Variants in ZGRF1 observed in about 807,000 individuals in gnomAD.
The protein encoded by ZGRF1 is 5'-3' DNA helicase ZGRF1.
Under a neutral mutation model 203.5 loss-of-function variants are expected in ZGRF1, and 196 were observed. The observed-to-expected ratio is 0.96, with a 90% CI of 0.86 to 1.08. The LOEUF (loss-of-function observed/expected upper bound fraction) is 1.08. Ranked by LOEUF, ZGRF1 falls within the 50% of genes least tolerant of loss-of-function variation. The pLI is 0.00. For missense variants in ZGRF1, 2,326 were observed against 2,416.3 expected (o/e 0.96, Z 0.78); for synonymous variants, 809 against 841.3 (o/e 0.96, Z 0.66).
In ZGRF1 at chr4:112,539,692, T is replaced by C. The variant is rs778052312; in HGVS notation, c.6173-3A>G. The C allele has an allele frequency of 1.7e-5, 27 of 1,589,086 alleles. No homozygotes were observed. The highest frequency in any genetic ancestry group is 2.3e-5 in the Non-Finnish European group (27 of 1,170,468). ...ATGTTGCAATCCATCTTCCCTTCCTTAAAAAAACATACGACATGAGACAAC... is the reference window on the plus strand; with the variant it reads ...ATGTTGCAATCCATCTTCCCTTCCTCAAAAAAACATACGACATGAGACAAC... On this transcript the variant is annotated splice_region_variant and splice_polypyrimidine_tract_variant and intron_variant, in intron 27 of 27. Transcript: ENST00000505019.
At chr4:112,635,184 G>A (rs190367471) in intron 1 of ZGRF1, among the ~76,000 whole-genome samples, 23 of 150,030 alleles carry the variant, frequency 1.5e-4, no homozygotes, top group Non-Finnish European at 3.4e-4. Context: ...CCTCCCCTCC[G>A]GCGTACATAA....
chr4:112,552,377 AAT>A (rs1740136978), intron 22 of ZGRF1, among the ~76,000 whole-genome samples: 1 of 152,188 alleles, frequency 6.6e-6, no homozygotes, highest in Non-Finnish European at 1.5e-5. Flanking sequence ...ATTCCTCTAA[AAT>A]AGTTTTCATT....
Position 112,617,476 on chromosome 4 carries a change from T to C in ZGRF1, c.2566A>G (p.Thr856Ala). 6.3e-7 allele frequency: 1 copy of C among 1,584,650 alleles called. No homozygotes were observed. The highest frequency in any genetic ancestry group is 1.2e-5 in the South Asian group (1 of 84,908). ...KKKNTVFQQG[T>A]QQTYEPDSPP... ...CTATCTGGCTCATACGTCTGTTGAG[T>C]TCCTTGCTGAAAGACAGTATTTTTC... The change falls in exon 6 of 28, where the codon ACT (threonine) becomes GCT (alanine). Residue 856 changes from threonine (T) to alanine (A), a missense_variant. Thr to Ala is a moderately conservative substitution (Grantham distance 58). Coordinates refer to ENST00000505019, the MANE Select transcript of ZGRF1 (RefSeq NM_018392.5).
Position 112,587,880 on chromosome 4 carries a change from T to G in ZGRF1, c.3177A>C (p.Ser1059=). ...SLENENLQRL[S]LLSRTQVPLI... ...GTGGAACCTGGGTTCTACTTAATAA[T>G]GAAAGCCTTTGAAGGTTCTCATTCT... Residue 1059 remains serine (S), a synonymous_variant, in exon 12 of 28, where the codon TCA becomes TCC. Coordinates refer to ENST00000505019, the MANE Select transcript of ZGRF1 (RefSeq NM_018392.5). 3 of 1,549,162 alleles carry G rather than the reference T, an allele frequency of 1.9e-6. No individual in the cohort carries two copies. Among genetic ancestry groups the G allele is most frequent in the Non-Finnish European group, 2.6e-6 (3 of 1,146,386 alleles).
At chr4:112,571,428 A>G (rs1744201122) in intron 16 of ZGRF1, among the ~76,000 whole-genome samples, 1 of 152,236 alleles carries the variant, frequency 6.6e-6, no homozygotes, top group Admixed American at 6.5e-5. Flanking sequence ...ATCAGAGAAT[A>G]TGAATAAATT....
intron 24 of ZGRF1, among the ~76,000 whole-genome samples, chr4:112,544,898 G>C (rs75385184): frequency 0.033 from 5,062 of 152,224 alleles, 277 homozygotes; most frequent in African/African-American, 0.11. Context: ...GAAAAGGATA[G>C]TCTTTTCCAC....
At chr4:112,561,373 C>G (rs1741950868) in intron 18 of ZGRF1, 3 of 182,012 alleles carry the variant, frequency 1.6e-5, no homozygotes, top group South Asian at 1.2e-4. Flanking sequence ...AACCCATGCT[C>G]TATTATACAA....
At chr4:112,557,034 C>T (rs558540802) in intron 20 of ZGRF1, among the ~76,000 whole-genome samples, 3 of 152,244 alleles carry the variant, frequency 2.0e-5, no homozygotes, top group African/African-American at 7.2e-5. Context: ...GTCTTCTTTG[C>T]ATTCCTCTTA....
chr4:112,571,374 G>C (rs754573281), intron 16 of ZGRF1, among the ~76,000 whole-genome samples: 15 of 152,012 alleles, frequency 9.9e-5, no homozygotes, highest in African/African-American at 1.7e-4. Context: ...ACAAACCTCA[G>C]GCAAGACTGG....
At position 112,542,257 on chromosome 4, in the gene ZGRF1, G is replaced by A. The variant is rs533444191; in HGVS notation, c.5599-989C>T. On this transcript the variant is annotated intron_variant, in intron 24 of 27. Transcript: ENST00000505019. Reference sequence around the variant, plus strand: ...TTTGGGAGGCTGAGGCAGGAAAATCGCTTGAACCCAGGAGGCAGAGGTTGC... The same window carrying A: ...TTTGGGAGGCTGAGGCAGGAAAATCACTTGAACCCAGGAGGCAGAGGTTGC... 5.3e-5 allele frequency among the ~76,000 whole-genome samples: 8 copies of A among 152,198 alleles called. No individual in the cohort carries two copies. The South Asian group carries it at 1.5e-3, about 28-fold the overall frequency.
At position 112,628,871 on chromosome 4, in the gene ZGRF1, A is replaced by G. The variant is rs770085032; in HGVS notation, c.102+3059T>C. 3 of 427,792 alleles carry G rather than the reference A, an allele frequency of 7.0e-6. 1 individual carries two copies. The highest frequency in any genetic ancestry group is 5.2e-5 in the South Asian group (3 of 58,136). The allele number at this position is 427,792 out of a possible 1,614,324, so 26.5% of individuals were successfully genotyped here. On this transcript the variant is annotated intron_variant, in intron 3 of 27. Transcript: ENST00000505019. ...CTGGATCTAAAGAAAAAGGCAGAAT[A>G]TAAAAGAAAAAGTTATATAGAATAG... is the stretch of plus-strand genomic sequence containing the variant.
At chr4:112,606,202 A>G (rs1750749121) in intron 8 of ZGRF1, 111 bp from the exon 9 acceptor site, 7 of 682,606 alleles carry the variant, frequency 1.0e-5, no homozygotes, top group Non-Finnish European at 1.7e-5. Flanking sequence ...GTGAAAACAC[A>G]CTTGCCATCT....
intron 22 of ZGRF1, among the ~76,000 whole-genome samples, chr4:112,550,123 C>A (rs1739644739): frequency 6.6e-6 from 1 of 151,688 alleles, no homozygotes; most frequent in Admixed American, 6.6e-5. Context: ...ACCCGGGAGG[C>A]AGAGCTTGCA....
rs1330930592 is a variant in ZGRF1 at position 112,560,833 on chromosome 4, A to G, written c.4860T>C (p.Ala1620=). The G allele has an allele frequency of 6.2e-7, 1 of 1,613,734 alleles. No individual in the cohort carries two copies. The highest frequency in any genetic ancestry group is 1.7e-5 in the Admixed American group (1 of 60,012). ...TTTGAGCTATTTGAATTAGAGCTGT[A>G]GCTTGATCCTTGTTTAACTTGTGTA... ...IQVHKLNKDQ[A]TALIQIAQMM... Residue 1620 remains alanine (A), a synonymous_variant, in exon 19 of 28, where the codon GCT becomes GCC. Coordinates refer to ENST00000505019, the MANE Select transcript of ZGRF1 (RefSeq NM_018392.5).
At chr4:112,615,655 G>A (rs1208787285) in intron 6 of ZGRF1, among the ~76,000 whole-genome samples, 1 of 144,264 alleles carries the variant, frequency 6.9e-6, no homozygotes. Context: ...TTTTTAAGAT[G>A]GGAGTTTCAT....
At chr4:112,554,031 T>G (rs1322223547) in intron 21 of ZGRF1, 49 bp from the exon 22 acceptor site, 23 of 1,510,904 alleles carry the variant, frequency 1.5e-5, no homozygotes, top group Non-Finnish European at 2.0e-5. Context: ...TTTCATAACA[T>G]CACAGTAAAG....
At chr4:112,553,025 TA>T (rs1484270189) in intron 22 of ZGRF1, among the ~76,000 whole-genome samples, 2 of 152,234 alleles carry the variant, frequency 1.3e-5, no homozygotes, top group Non-Finnish European at 2.9e-5. Context: ...TGTAGAGTCA[TA>T]AGCTGTTGTC....
chr4:112,617,129 T>A (rs2046904976), intron 6 of ZGRF1, among the ~76,000 whole-genome samples: 1 of 152,098 alleles, frequency 6.6e-6, no homozygotes, highest in Non-Finnish European at 1.5e-5. Flanking sequence ...CATACATACA[T>A]ATATATGTAC....
chr4:112,625,896 A>C (rs2047225724), intron 3 of ZGRF1, among the ~76,000 whole-genome samples: 2 of 144,964 alleles, frequency 1.4e-5, no homozygotes, highest in South Asian at 4.3e-4. Flanking sequence ...ACTCCGTCTC[A>C]AAAAAAAAAA....
Sources: allele counts gnomAD v4.1 joint callset (sites outside exome capture counted in the v4.1 genomes callset), GRCh38; gene constraint gnomAD v4.1.1; transcripts MANE v1.5; gene names NCBI Gene and HGNC (gene_info 2026-07-23, HGNC 2026-07-21).